PARD3B: variants seen among roughly 807,000 people sequenced by gnomAD.
PARD3B encodes par-3 family cell polarity regulator beta.
In PARD3B, 103 loss-of-function variants were observed where a neutral mutation model predicts 130.2. The ratio of observed to expected loss-of-function variants is 0.79; its 90% confidence interval spans 0.67 to 0.93. PARD3B has a LOEUF of 0.93. PARD3B is among the 40% of genes least tolerant of loss of function. The pLI is 0.00. For synonymous variants in PARD3B, 583 were observed against 553.2 expected (o/e 1.05, Z -0.76); for missense variants, 1,609 against 1,499.2 (o/e 1.07, Z -1.21).
chr2:204,736,455 G>A (rs572368359), intron 2 of PARD3B, among the ~76,000 whole-genome samples: 1 of 151,924 alleles, frequency 6.6e-6, no homozygotes, highest in East Asian at 1.9e-4. Context: ...AGTCTCTAAT[G>A]TCTATTATAT....
intron 19 of PARD3B, among the ~76,000 whole-genome samples, chr2:205,415,634 C>T (rs1362414937): frequency 6.6e-6 from 1 of 152,074 alleles, no homozygotes; most frequent in Admixed American, 6.6e-5. Context: ...TTGTGCAATC[C>T]TCATTGATCA....
chr2:205,554,292 G>A (rs2052782936), intron 22 of PARD3B, among the ~76,000 whole-genome samples: 1 of 152,162 alleles, frequency 6.6e-6, no homozygotes, highest in Admixed American at 6.5e-5. Context: ...TGCCAACTCA[G>A]AGATGGAGTG....
intron 10 of PARD3B, among the ~76,000 whole-genome samples, chr2:205,126,752 C>A (rs2031460729): frequency 1.3e-5 from 1 of 74,454 alleles, no homozygotes; most frequent in African/African-American, 6.5e-5. Flanking sequence ...GACTCCGTCT[C>A]AAAAAAAAAA....
At chr2:205,295,286 G>A (rs950943228) in intron 16 of PARD3B, among the ~76,000 whole-genome samples, 1 of 152,138 alleles carries the variant, frequency 6.6e-6, no homozygotes, top group Non-Finnish European at 1.5e-5. Context: ...CAAGTTGACT[G>A]CTCATAATAA....
chr2:205,018,702 A>G (rs1696347122), intron 3 of PARD3B, among the ~76,000 whole-genome samples: 1 of 128,670 alleles, frequency 7.8e-6, no homozygotes, highest in Admixed American at 9.6e-5. Context: ...AAGGTTACAA[A>G]TTTGATTTAG....
chr2:205,475,417 G>T (rs2048992051), intron 20 of PARD3B, among the ~76,000 whole-genome samples: 1 of 152,170 alleles, frequency 6.6e-6, no homozygotes, highest in South Asian at 2.1e-4. Flanking sequence ...TTGTTTGATA[G>T]ACAGCTAACT....
At chr2:205,181,022 A>G (rs1378538064) in intron 13 of PARD3B, among the ~76,000 whole-genome samples, 1 of 152,032 alleles carries the variant, frequency 6.6e-6, no homozygotes, top group African/African-American at 2.4e-5. Flanking sequence ...ATTACCTCTC[A>G]TTTCACTGCA....
chr2:205,433,532 CAAAAAAAAAAAAA>C (rs34275307), intron 19 of PARD3B, among the ~76,000 whole-genome samples: 1 of 110,304 alleles, frequency 9.1e-6, no homozygotes, highest in Non-Finnish European at 1.9e-5. Flanking sequence ...GACTCTGTGT[CAAAAAAAAAAAAA>C]AAAAAAAAGG....
intron 2 of PARD3B, among the ~76,000 whole-genome samples, chr2:204,842,207 A>G (rs1410632530): frequency 1.3e-5 from 2 of 152,228 alleles, no homozygotes; most frequent in East Asian, 3.9e-4. Context: ...TCAAAGCAAT[A>G]GTCTTTCAAG....
At chr2:205,156,347 G>A (rs967310938) in intron 10 of PARD3B, among the ~76,000 whole-genome samples, 1 of 151,162 alleles carries the variant, frequency 6.6e-6, no homozygotes, top group Non-Finnish European at 1.5e-5. Flanking sequence ...CACCAGCATG[G>A]CACATGTATA....
intron 1 of PARD3B, among the ~76,000 whole-genome samples, chr2:204,580,316 T>C (rs866045237): frequency 6.6e-6 from 1 of 152,190 alleles, no homozygotes; most frequent in African/African-American, 2.4e-5. Flanking sequence ...ATGTTTTTTT[T>C]CCCTCTTATC....
Position 204,711,521 on chromosome 2 carries a change from A to G in PARD3B, c.222+25239A>G, listed in dbSNP as rs190975561. On this transcript the variant is annotated intron_variant, in intron 2 of 22. Transcript: ENST00000406610. ...CATATTGTCTCAATTATCCAAAAAT[A>G]AAAAATTAAGTTATATATCTTTTTT... 3.7e-3 allele frequency among the ~76,000 whole-genome samples: 558 copies of G among 152,278 alleles called. 3 individuals are homozygous for G. The highest frequency in any genetic ancestry group is 0.013 in the African/African-American group (542 of 41,566).
At chr2:204,622,535 A>G (rs529238740) in intron 1 of PARD3B, among the ~76,000 whole-genome samples, 4 of 152,282 alleles carry the variant, frequency 2.6e-5, no homozygotes, top group Non-Finnish European at 1.5e-5. Flanking sequence ...CATTAACTCT[A>G]TTAATCATTG....
At position 205,440,285 on chromosome 2, in the gene PARD3B, A is replaced by G; in HGVS notation, c.2742-85A>G. On this transcript the variant is annotated intron_variant, in intron 19 of 22. Transcript: ENST00000406610. This position sits in a 1 kb window ranked among gnomAD's most constrained non-coding sequence, Gnocchi z 4.2. ...GAATGACAGCTAAGAGACGAGGAAG[A>G]GTTAACATAAATTCAAGAGAGTATT... 2.3e-6 allele frequency: 3 copies of G among 1,329,882 alleles called. No homozygotes were observed. Among genetic ancestry groups the G allele is most frequent in the Non-Finnish European group, 3.1e-6 (3 of 953,394 alleles). 82.4% of individuals were successfully genotyped at this position (1,329,882 alleles called of 1,614,324 possible).
intron 20 of PARD3B, among the ~76,000 whole-genome samples, chr2:205,459,845 T>C (rs935975783): frequency 1.3e-5 from 2 of 152,228 alleles, no homozygotes; most frequent in Admixed American, 6.5e-5. Context: ...CTGGTGGTGG[T>C]CAACTTCAGA....
At chr2:204,574,967 C>G (rs776829639) in intron 1 of PARD3B, among the ~76,000 whole-genome samples, 5 of 152,194 alleles carry the variant, frequency 3.3e-5, no homozygotes, top group Non-Finnish European at 7.3e-5. Flanking sequence ...TTCCAGTTCT[C>G]TACTCTTCAG....
chr2:204,766,849 GA>G (rs2041175020), intron 2 of PARD3B, among the ~76,000 whole-genome samples: 1 of 150,420 alleles, frequency 6.6e-6, no homozygotes, highest in African/African-American at 2.4e-5. Context: ...TTATACTGAG[GA>G]ATTGATTGAG....
intron 2 of PARD3B, among the ~76,000 whole-genome samples, chr2:204,911,773 T>C (rs992437272): frequency 1.3e-5 from 2 of 152,200 alleles, no homozygotes; most frequent in Non-Finnish European, 2.9e-5. Context: ...AAATAGAACA[T>C]TTCATGTAAC....
At chr2:205,119,911 T>G (rs1203049606) in intron 7 of PARD3B, among the ~76,000 whole-genome samples, 1 of 152,086 alleles carries the variant, frequency 6.6e-6, no homozygotes, top group Non-Finnish European at 1.5e-5. Flanking sequence ...TTTTTTAATG[T>G]GTGTTGGCAT....
Sources: allele counts gnomAD v4.1 joint callset (sites outside exome capture counted in the v4.1 genomes callset), GRCh38; gene constraint gnomAD v4.1.1; non-coding constraint Gnocchi (gnomAD v3.1); transcripts MANE v1.5; gene names NCBI Gene and HGNC (gene_info 2026-07-23, HGNC 2026-07-21).